The following UNC5D variants were observed in gnomAD, a reference collection of about 807,000 sequenced individuals.
UNC5D encodes the protein unc-5 netrin receptor D, also known as netrin receptor UNC5D.
A neutral mutation model predicts 105.4 loss-of-function variants in UNC5D; 39 were observed. That is an observed-to-expected ratio of 0.37 (90% confidence interval 0.29 to 0.48). The LOEUF (loss-of-function observed/expected upper bound fraction) is 0.48, where lower values mean the gene tolerates loss of function less well. Among genes scored for constraint, UNC5D ranks in the 20% least tolerant of loss-of-function variants. The pLI is 0.98. For missense variants in UNC5D, 991 were observed against 1,202.4 expected, an observed-to-expected ratio of 0.82 and a Z score of 2.60; for synonymous variants, 452 against 450.4, an observed-to-expected ratio of 1.00 and a Z score of -0.04.
intron 1 of UNC5D, among the ~76,000 whole-genome samples, chr8:35,490,884 A>G (rs1291187169): frequency 6.6e-6 from 1 of 151,956 alleles, no homozygotes; most frequent in Admixed American, 6.6e-5. Context: ...ATTTTTTACC[A>G]AAATTTTCTT....
chr8:35,289,507 T>A (rs1806873589), intron 1 of UNC5D, among the ~76,000 whole-genome samples: 1 of 152,160 alleles, frequency 6.6e-6, no homozygotes, highest in Non-Finnish European at 1.5e-5. Flanking sequence ...ATAGACCTAA[T>A]AAATATGTAC....
chr8:35,425,360 C>T (rs1806173489), intron 1 of UNC5D, among the ~76,000 whole-genome samples: 1 of 152,102 alleles, frequency 6.6e-6, no homozygotes, highest in Non-Finnish European at 1.5e-5. Context: ...ACTTCAGTCC[C>T]TGGCTAAAGA....
chr8:35,545,425 G>A (rs964284654), intron 1 of UNC5D, among the ~76,000 whole-genome samples: 2 of 152,058 alleles, frequency 1.3e-5, no homozygotes, highest in Non-Finnish European at 2.9e-5. Context: ...TTGGAGAGGG[G>A]GAGAGAGGTG....
chr8:35,328,310 T>C (rs1165268438), intron 1 of UNC5D, among the ~76,000 whole-genome samples: 1 of 152,210 alleles, frequency 6.6e-6, no homozygotes, highest in African/African-American at 2.4e-5. Context: ...ATTGCTAAAA[T>C]CTTTTCAATC....
intron 1 of UNC5D, among the ~76,000 whole-genome samples, chr8:35,546,671 CAT>C (rs1452560015): frequency 6.6e-6 from 1 of 152,154 alleles, no homozygotes; most frequent in East Asian, 1.9e-4. Flanking sequence ...TTTCCTCTAA[CAT>C]ATGGATTTAC....
rs78637287 is a variant in UNC5D at position 35,429,493 on chromosome 8, G to C, written c.104-119799G>C. Among the ~76,000 whole-genome samples the C allele has an allele frequency of 3.9e-5, 6 of 152,180 alleles. No individual in the cohort carries two copies. In the South Asian group the frequency reaches 6.2e-4, roughly 16 times the overall value. ...CTTAAGATTTTAGATACTGATGTCA[G>C]AGCATAAGTATACAAACTTGTTTTG... On this transcript the variant is annotated intron_variant, in intron 1 of 16. Coordinates refer to ENST00000404895, the MANE Select transcript of UNC5D (RefSeq NM_080872.4).
intron 1 of UNC5D, among the ~76,000 whole-genome samples, chr8:35,246,775 T>C (rs79129499): frequency 0.021 from 3,147 of 152,248 alleles, 112 homozygotes; most frequent in African/African-American, 0.073. Flanking sequence ...GGGAGCCAGT[T>C]GGTCCTCATT....
At chr8:35,382,580 T>A (rs939031921) in intron 1 of UNC5D, among the ~76,000 whole-genome samples, 1 of 152,248 alleles carries the variant, frequency 6.6e-6, no homozygotes, top group Admixed American at 6.5e-5. Context: ...GCTAAAGTAC[T>A]TTATCTTTTG....
intron 8 of UNC5D, among the ~76,000 whole-genome samples, chr8:35,714,941 C>T (rs1225582103): frequency 2.0e-5 from 3 of 152,178 alleles, no homozygotes; most frequent in African/African-American, 2.4e-5. Context: ...CACCTGAGGT[C>T]GGGAGTTTGA....
chr8:35,269,455 A>G (rs531547878), intron 1 of UNC5D, among the ~76,000 whole-genome samples: 2 of 152,146 alleles, frequency 1.3e-5, no homozygotes, highest in African/African-American at 4.8e-5. Context: ...CTTGACTTAC[A>G]TCTGCAGAAT....
At chr8:35,553,153 T>C (rs1204088847) in intron 2 of UNC5D, among the ~76,000 whole-genome samples, 1 of 152,190 alleles carries the variant, frequency 6.6e-6, no homozygotes, top group Admixed American at 6.5e-5. Context: ...AAAAATCTTA[T>C]ATCCCTTCTC....
At chr8:35,547,588 C>A (rs1487170454) in intron 1 of UNC5D, among the ~76,000 whole-genome samples, 1 of 152,142 alleles carries the variant, frequency 6.6e-6, no homozygotes, top group Non-Finnish European at 1.5e-5. Context: ...CGTAAGCCAC[C>A]GCGGCCAGTC....
intron 1 of UNC5D, among the ~76,000 whole-genome samples, chr8:35,445,019 C>A (rs532661165): frequency 6.6e-6 from 1 of 152,052 alleles, no homozygotes; most frequent in African/African-American, 2.4e-5. Flanking sequence ...CATGATGTTT[C>A]CCTCCTAGAG....
chr8:35,648,563 C>T (rs1823203887), intron 4 of UNC5D, among the ~76,000 whole-genome samples: 1 of 151,152 alleles, frequency 6.6e-6, no homozygotes, highest in East Asian at 2.0e-4. Context: ...CCTGCAATCC[C>T]AGCTATTCGG....
intron 1 of UNC5D, among the ~76,000 whole-genome samples, chr8:35,385,551 C>T (rs1481861892): frequency 6.6e-6 from 1 of 150,382 alleles, no homozygotes. Flanking sequence ...CTGCAAGCTC[C>T]ACCTCCCGGA....
chr8:35,315,393 T>C (rs962428383), intron 1 of UNC5D, among the ~76,000 whole-genome samples: 2 of 152,150 alleles, frequency 1.3e-5, no homozygotes, highest in Non-Finnish European at 1.5e-5. Flanking sequence ...CTCATTCACA[T>C]GTTTGGCAAT....
intron 4 of UNC5D, among the ~76,000 whole-genome samples, chr8:35,667,204 G>A (rs1040573984): frequency 6.6e-6 from 1 of 152,074 alleles, no homozygotes; most frequent in Non-Finnish European, 1.5e-5. Flanking sequence ...AAATAGGACA[G>A]TCTAAATTAT....
At position 35,576,834 on chromosome 8, in the gene UNC5D, C is replaced by T. The variant is rs1240624013; in HGVS notation, c.466+8593C>T. Among the ~76,000 whole-genome samples the T allele has an allele frequency of 4.6e-5, 7 of 152,216 alleles. No homozygotes were observed. In the East Asian group the frequency reaches 5.8e-4, roughly 13 times the overall value. ...TTCACTATGTTATCCAGGATGGTCT[C>T]GATCTCCTGACCTCGTGATCCTCCC... On this transcript the variant is annotated intron_variant, in intron 3 of 16. Coordinates refer to ENST00000404895, the MANE Select transcript of UNC5D (RefSeq NM_080872.4).
chr8:35,781,124 G>A (rs1389252565), intron 16 of UNC5D, among the ~76,000 whole-genome samples: 1 of 151,926 alleles, frequency 6.6e-6, no homozygotes, highest in African/African-American at 2.4e-5. Flanking sequence ...ATTTATACAG[G>A]GTCCAAAATT....
Sources: allele counts gnomAD v4.1 joint callset (sites outside exome capture counted in the v4.1 genomes callset), GRCh38; gene constraint gnomAD v4.1.1; transcripts MANE v1.5; gene names NCBI Gene and HGNC (gene_info 2026-07-23, HGNC 2026-07-21).